SLC22A24: variants seen among roughly 807,000 people sequenced by gnomAD.
The protein encoded by SLC22A24 is solute carrier family 22 member 24.
A neutral mutation model predicts 49.8 loss-of-function variants in SLC22A24; 53 were observed. The observed-to-expected ratio is 1.06, with a 90% CI of 0.85 to 1.34. The LOEUF is 1.34. Ranked by LOEUF, SLC22A24 falls within the 40% of genes most tolerant of loss-of-function variation. The probability of loss-of-function intolerance (pLI) is 0.00; values close to 1 mark genes in which losing one functional copy is unlikely to be tolerated. For missense variants in SLC22A24, 786 were observed against 675.9 expected (o/e 1.16, Z -1.81); for synonymous variants, 302 against 256.4 (o/e 1.18, Z -1.70).
At chr11:63,081,723 A>G in intron 7 of SLC22A24, 57 bp from the exon 8 acceptor site, 1 of 1,137,520 alleles carries the variant, frequency 8.8e-7, no homozygotes, top group East Asian at 2.6e-5. Context: ...TCAACCCCCA[A>G]ATAATTGTAA....
intron 4 of SLC22A24, among the ~76,000 whole-genome samples, chr11:63,107,410 T>C (rs1449212162): frequency 1.3e-5 from 2 of 152,208 alleles, no homozygotes; most frequent in Non-Finnish European, 2.9e-5. Context: ...GTCTTGGCAA[T>C]GTGGGCTCTT....
chr11:63,119,080 C>A lies in SLC22A24; in HGVS notation c.662G>T (p.Ser221Ile). Residue 221 changes from serine (S) to isoleucine (I), a missense_variant and splice_region_variant, in exon 4 of 10, where the codon AGC (serine) becomes ATC (isoleucine). By Grantham distance (142) the Ser-to-Ile change is moderately radical. Coordinates refer to ENST00000612278, the MANE Select transcript of SLC22A24 (RefSeq NM_001136506.2). ...MTILGNTFIL[S>I]LEWTLPRSRS... ...TGACCGGGGCAATGTCCACTCTAAG[C>A]CTGGAAGAAAACATATACATAGTAA... is the stretch of plus-strand genomic sequence containing the variant. 1 of 1,545,752 alleles carries A rather than the reference C, an allele frequency of 6.5e-7. No individual in the cohort carries two copies. Among genetic ancestry groups the A allele is most frequent in the Non-Finnish European group, 8.7e-7 (1 of 1,143,282 alleles).
Position 63,104,282 on chromosome 11 carries a change from C to A in SLC22A24, c.847G>T (p.Ala283Ser), listed in dbSNP as rs546936200. The change falls in exon 5 of 10, where the codon GCT becomes TCT. Residue 283 changes from alanine to serine, a missense_variant. By Grantham distance (99) the Ala-to-Ser change is moderately conservative. Coordinates refer to ENST00000612278, the MANE Select transcript of SLC22A24 (RefSeq NM_001136506.2). ...TGATTGTTGATAATCAGCCACCGAG[C>A]AGACTCCACCATCTTCCTGATGAAA... ...FLSSWKMVES[A>S]RWLIINNQLD... The A allele has an allele frequency of 2.6e-6, 4 of 1,549,488 alleles. No homozygotes were observed. Among genetic ancestry groups the A allele is most frequent in the Non-Finnish European group, 2.6e-6 (3 of 1,146,658 alleles).
chr11:63,108,149 A>G (rs982861390), intron 4 of SLC22A24, among the ~76,000 whole-genome samples: 3 of 152,108 alleles, frequency 2.0e-5, no homozygotes, highest in African/African-American at 7.2e-5. Flanking sequence ...ATGCAGGGCT[A>G]TTGAATTTTG....
At chr11:63,123,742 A>T (rs1301623299) in intron 2 of SLC22A24, among the ~76,000 whole-genome samples, 1 of 152,164 alleles carries the variant, frequency 6.6e-6, no homozygotes, top group Non-Finnish European at 1.5e-5. Flanking sequence ...AGTGGAAAAT[A>T]TTCTAAGCTT....
In SLC22A24 at chr11:63,143,889, T is replaced by C; in HGVS notation, c.-110A>G. The stretch of plus-strand genomic sequence containing the variant: ...AGTTACCATAGTGCCATGTGGATCC[T>C]GACACTGCTTTCTTCTTGGTGGGCC... On this transcript the variant is annotated 5_prime_UTR_variant, in exon 1 of 10. Coordinates refer to ENST00000612278, the MANE Select transcript of SLC22A24 (RefSeq NM_001136506.2). The C allele has an allele frequency of 1.1e-6, 1 of 920,374 alleles. No homozygotes were observed. 57.0% of individuals were successfully genotyped at this position (920,374 alleles called of 1,614,324 possible). A position where few individuals can be genotyped will look rare whatever the true frequency, so the allele number is the denominator to read the frequency against.
chr11:63,085,032 T>G (rs1263741502), intron 6 of SLC22A24, among the ~76,000 whole-genome samples: 3 of 151,990 alleles, frequency 2.0e-5, no homozygotes, highest in African/African-American at 7.2e-5. Context: ...CAGAGCAGGT[T>G]TAAGAGAAAG....
chr11:63,125,050 A>T (rs529799801), intron 2 of SLC22A24, among the ~76,000 whole-genome samples: 5 of 152,034 alleles, frequency 3.3e-5, no homozygotes, highest in African/African-American at 4.8e-5. Flanking sequence ...ACATGTATAC[A>T]TATGTAACTA....
chr11:63,084,862 T>C (rs981650337), intron 6 of SLC22A24, among the ~76,000 whole-genome samples: 1 of 152,192 alleles, frequency 6.6e-6, no homozygotes, highest in African/African-American at 2.4e-5. Flanking sequence ...AATGAATATC[T>C]GAGGTTTAAT....
At chr11:63,085,811 T>C (rs2086984045) in intron 6 of SLC22A24, among the ~76,000 whole-genome samples, 1 of 152,214 alleles carries the variant, frequency 6.6e-6, no homozygotes, top group Non-Finnish European at 1.5e-5. Context: ...ATAATTATCA[T>C]AATCCTGCCA....
chr11:63,131,610 A>G (rs1362089334), intron 2 of SLC22A24, among the ~76,000 whole-genome samples: 2 of 152,132 alleles, frequency 1.3e-5, no homozygotes, highest in African/African-American at 2.4e-5. Flanking sequence ...TTGGCCCCCA[A>G]TCTTTTCTGG....
At chr11:63,130,456 C>G (rs1429561726) in intron 2 of SLC22A24, among the ~76,000 whole-genome samples, 2 of 152,154 alleles carry the variant, frequency 1.3e-5, no homozygotes, top group Non-Finnish European at 2.9e-5. Context: ...GTGTCTCTGT[C>G]AGGCTTTGCT....
chr11:63,099,670 C>T (rs2087078758), intron 5 of SLC22A24, among the ~76,000 whole-genome samples: 1 of 151,880 alleles, frequency 6.6e-6, no homozygotes, highest in South Asian at 2.1e-4. Context: ...ATACAGAAAT[C>T]CTCAATGAAA....
intron 4 of SLC22A24, among the ~76,000 whole-genome samples, chr11:63,107,636 A>G (rs183268545): frequency 7.2e-5 from 11 of 152,172 alleles, no homozygotes; most frequent in African/African-American, 2.7e-4. Flanking sequence ...TTCTCCTTGA[A>G]AAGTACTGTC....
At chr11:63,108,333 T>C (rs924554915) in intron 4 of SLC22A24, among the ~76,000 whole-genome samples, 10 of 152,212 alleles carry the variant, frequency 6.6e-5, no homozygotes, top group Non-Finnish European at 1.2e-4. Context: ...GGATTCGTTT[T>C]GCCAGTATTT....
At chr11:63,104,082 G>A (rs1013747118) in intron 5 of SLC22A24, 93 bp downstream of exon 5, 7 of 1,312,498 alleles carry the variant, frequency 5.3e-6, no homozygotes, top group Non-Finnish European at 6.3e-6. Context: ...ACTCACAGAA[G>A]TCTAATTCTG....
At chr11:63,124,456 T>A (rs2087274051) in intron 2 of SLC22A24, among the ~76,000 whole-genome samples, 1 of 152,210 alleles carries the variant, frequency 6.6e-6, no homozygotes, top group Non-Finnish European at 1.5e-5. Flanking sequence ...AAAGGTTTTG[T>A]AACAGAACAA....
intron 6 of SLC22A24, among the ~76,000 whole-genome samples, chr11:63,087,911 A>T (rs1001496179): frequency 6.6e-6 from 1 of 152,192 alleles, no homozygotes; most frequent in Non-Finnish European, 1.5e-5. Flanking sequence ...AGCCCCAGTA[A>T]GAGGTTTACA....
intron 2 of SLC22A24, among the ~76,000 whole-genome samples, chr11:63,124,870 G>A (rs991118401): frequency 2.6e-5 from 4 of 151,226 alleles, no homozygotes; most frequent in South Asian, 2.1e-4. Context: ...ACCAAACAAC[G>A]CATGTTCTCA....
Sources: gnomAD v4.1 joint callset for allele counts (sites outside exome capture counted in the v4.1 genomes callset) on GRCh38, gnomAD v4.1.1 for gene constraint, MANE v1.5 for transcripts, NCBI Gene and HGNC (gene_info 2026-07-23, HGNC 2026-07-21) for gene names.